Variants in LRMDA observed in about 807,000 individuals in gnomAD.
LRMDA encodes the protein leucine-rich melanocyte differentiation-associated protein.
In LRMDA, 18 loss-of-function variants were observed where a neutral mutation model predicts 29.8. That is an observed-to-expected ratio of 0.60 (90% CI 0.42 to 0.90). The LOEUF is 0.90. Ranked by LOEUF, LRMDA falls within the 40% of genes least tolerant of loss-of-function variation. The probability of loss-of-function intolerance (pLI) is 0.00; values close to 1 mark genes in which losing one functional copy is unlikely to be tolerated. For synonymous variants in LRMDA, 125 were observed against 109.4 expected (o/e 1.14, Z -0.89); for missense variants, 273 against 273.9 (o/e 1.00, Z 0.02).
chr10:75,721,412 A>G (rs1409046074), intron 2 of LRMDA, among the ~76,000 whole-genome samples: 1 of 152,252 alleles, frequency 6.6e-6, no homozygotes, highest in East Asian at 1.9e-4. Context: ...ATTATTCCAA[A>G]GGTGCCCAAC....
chr10:76,017,252 C>T (rs766588592), intron 2 of LRMDA, among the ~76,000 whole-genome samples: 3 of 152,132 alleles, frequency 2.0e-5, no homozygotes, highest in African/African-American at 4.8e-5. Context: ...AGAAGCCACA[C>T]GAAGGCTGGA....
chr10:76,052,162 TACCATGTCTC>T (rs1160272833), intron 4 of LRMDA, among the ~76,000 whole-genome samples: 1 of 152,190 alleles, frequency 6.6e-6, no homozygotes, highest in Non-Finnish European at 1.5e-5. Context: ...CAGTAGCTTG[TACCATGTCTC>T]ACTGCCTCCA....
intron 2 of LRMDA, among the ~76,000 whole-genome samples, chr10:75,960,884 G>T (rs993324580): frequency 6.6e-6 from 1 of 152,098 alleles, no homozygotes; most frequent in African/African-American, 2.4e-5. Context: ...CGAAGTGCTG[G>T]GATAACAGGT....
intron 2 of LRMDA, among the ~76,000 whole-genome samples, chr10:75,750,621 C>T (rs1236614377): frequency 7.0e-6 from 1 of 143,366 alleles, no homozygotes; most frequent in African/African-American, 2.6e-5. Flanking sequence ...GGCAGAGGCG[C>T]TCCTCACATC....
rs555801652 is a variant in LRMDA, at chr10:76,242,346, G to A, written c.517-82055G>A. The A allele has an allele frequency of 1.5e-4, 23 of 152,312 alleles. 1 individual carries two copies. Among genetic ancestry groups the A allele is most frequent in the African/African-American group, 4.8e-4 (20 of 41,566 alleles). 9.4% of individuals were successfully genotyped at this position (152,312 alleles called of 1,614,324 possible). ...GATTGCCATAACAAAGTATCACAACGTGGGTGGCTTAAGAACAACAGAAAT... is the reference window on the plus strand; with the variant it reads ...GATTGCCATAACAAAGTATCACAACATGGGTGGCTTAAGAACAACAGAAAT... On this transcript the variant is annotated intron_variant, in intron 5 of 6. Transcript: ENST00000611255.
chr10:75,857,788 G>C (rs1186335383), intron 2 of LRMDA, among the ~76,000 whole-genome samples: 1 of 152,168 alleles, frequency 6.6e-6, no homozygotes, highest in Non-Finnish European at 1.5e-5. Flanking sequence ...CTATCCTGGG[G>C]TAAAATGACC....
At chr10:75,664,520 T>C (rs776580624) in intron 2 of LRMDA, among the ~76,000 whole-genome samples, 5 of 152,086 alleles carry the variant, frequency 3.3e-5, no homozygotes, top group South Asian at 2.1e-4. Context: ...TGTTCTATGA[T>C]GGAGGAAGAG....
At chr10:75,916,757 C>T (rs1015493682) in intron 2 of LRMDA, among the ~76,000 whole-genome samples, 2 of 152,162 alleles carry the variant, frequency 1.3e-5, no homozygotes, top group African/African-American at 4.8e-5. Context: ...CGAAAACACG[C>T]TGGTGATTAC....
At chr10:76,160,840 T>G (rs1850634036) in intron 5 of LRMDA, among the ~76,000 whole-genome samples, 1 of 152,092 alleles carries the variant, frequency 6.6e-6, no homozygotes, top group African/African-American at 2.4e-5. Context: ...AAAGAGTAAT[T>G]TTTATTTATG....
intron 2 of LRMDA, among the ~76,000 whole-genome samples, chr10:75,574,710 G>A (rs1441109968): frequency 6.6e-6 from 1 of 152,070 alleles, no homozygotes; most frequent in African/African-American, 2.4e-5. Flanking sequence ...CCACCGTGGG[G>A]CTTCAGTTAT....
At chr10:75,692,462 TACACAC>T (rs1379260899) in intron 2 of LRMDA, among the ~76,000 whole-genome samples, 1 of 150,720 alleles carries the variant, frequency 6.6e-6, no homozygotes, top group African/African-American at 2.4e-5. Context: ...TACAAGTGTA[TACACAC>T]ATACACATAC....
chr10:75,570,197 A>G (rs985188353), intron 2 of LRMDA, among the ~76,000 whole-genome samples: 7 of 152,214 alleles, frequency 4.6e-5, no homozygotes, highest in African/African-American at 1.4e-4. Flanking sequence ...TCATCTATAA[A>G]ATGGAAGTAA....
At chr10:75,618,355 A>ACTCTCC (rs1229227592) in intron 2 of LRMDA, among the ~76,000 whole-genome samples, 1 of 131,882 alleles carries the variant, frequency 7.6e-6, no homozygotes, top group African/African-American at 3.0e-5. Context: ...TCTTTACCAG[A>ACTCTCC]CTCTCTCTCT....
chr10:76,188,301 G>A (rs569353726), intron 5 of LRMDA, among the ~76,000 whole-genome samples: 6 of 152,292 alleles, frequency 3.9e-5, no homozygotes, highest in East Asian at 1.9e-4. Flanking sequence ...TTCACTGTGC[G>A]TTTTGTTTCT....
intron 4 of LRMDA, 36 bp downstream of exon 4, chr10:76,047,339 G>C: frequency 6.4e-7 from 1 of 1,562,906 alleles, no homozygotes; most frequent in South Asian, 1.2e-5. Context: ...GTGGGAAAAG[G>C]GAAAAAGAGA....
chr10:75,671,294 C>A (rs942651959), intron 2 of LRMDA, among the ~76,000 whole-genome samples: 1 of 152,290 alleles, frequency 6.6e-6, no homozygotes, highest in South Asian at 2.1e-4. Context: ...GTTTTCAGGA[C>A]TGTACTGCTG....
At chr10:75,470,839 G>C (rs906530575) in intron 2 of LRMDA, among the ~76,000 whole-genome samples, 2 of 152,222 alleles carry the variant, frequency 1.3e-5, no homozygotes, top group African/African-American at 4.8e-5. Flanking sequence ...GATGTCTGCA[G>C]GTGTCAGCAC....
At chr10:76,493,804 T>G (rs895971275) in intron 6 of LRMDA, among the ~76,000 whole-genome samples, 1 of 152,112 alleles carries the variant, frequency 6.6e-6, no homozygotes, top group Non-Finnish European at 1.5e-5. Context: ...TGGGATTGTC[T>G]TAAATCTATA....
At chr10:76,102,280 G>T (rs1471789695) in intron 5 of LRMDA, among the ~76,000 whole-genome samples, 1 of 152,024 alleles carries the variant, frequency 6.6e-6, no homozygotes, top group Non-Finnish European at 1.5e-5. Flanking sequence ...AGATGTGCAG[G>T]TTTTTTACAT....
Sources: gnomAD v4.1 joint callset for allele counts (sites outside exome capture counted in the v4.1 genomes callset) on GRCh38, gnomAD v4.1.1 for gene constraint, MANE v1.5 for transcripts, NCBI Gene and HGNC (gene_info 2026-07-23, HGNC 2026-07-21) for gene names.